GLCCI1: variants seen among roughly 807,000 people sequenced by gnomAD.
GLCCI1 encodes the protein glucocorticoid-induced transcript 1 protein.
GLCCI1 carries 24 observed loss-of-function variants against 52.2 expected under a neutral mutation model. That is an observed-to-expected ratio of 0.46 (90% CI 0.33 to 0.65). The LOEUF is 0.65. Among genes scored for constraint, GLCCI1 ranks in the 30% least tolerant of loss-of-function variants. The pLI is 0.02. For missense variants in GLCCI1, 704 were observed against 701.5 expected (o/e 1.00, Z -0.04); for synonymous variants, 310 against 276.5 (o/e 1.12, Z -1.20).
chr7:7,981,166 T>C, intron 1 of GLCCI1: 1 of 419,240 alleles, frequency 2.4e-6, no homozygotes, highest in South Asian at 1.9e-5. Flanking sequence ...CTGGATATAA[T>C]ACTCTCTAGA....
chr7:8,001,211 G>T (rs1434820530), intron 1 of GLCCI1, among the ~76,000 whole-genome samples: 2 of 152,106 alleles, frequency 1.3e-5, no homozygotes, highest in Non-Finnish European at 2.9e-5. Flanking sequence ...GCTTCCTTCA[G>T]GAGCTCTTGT....
intron 5 of GLCCI1, among the ~76,000 whole-genome samples, chr7:8,064,647 G>A (rs1164631374): frequency 6.6e-6 from 1 of 152,156 alleles, no homozygotes; most frequent in Non-Finnish European, 1.5e-5. Context: ...AACATCATTG[G>A]AAGTTTGATG....
intron 3 of GLCCI1, among the ~76,000 whole-genome samples, chr7:8,027,109 A>G (rs974100366): frequency 6.6e-6 from 1 of 152,226 alleles, no homozygotes; most frequent in African/African-American, 2.4e-5. Flanking sequence ...AATTAGCACC[A>G]TCCAGGAAAA....
At chr7:8,040,561 C>CACACACACACACA (rs529858486) in intron 3 of GLCCI1, among the ~76,000 whole-genome samples, 1 of 145,670 alleles carries the variant, frequency 6.9e-6, no homozygotes, top group African/African-American at 2.6e-5. Flanking sequence ...CACACACACA[C>CACACACACACACA]CAATGACTAT....
intron 3 of GLCCI1, among the ~76,000 whole-genome samples, chr7:8,041,929 T>C (rs192530837): frequency 6.6e-6 from 1 of 152,272 alleles, no homozygotes; most frequent in East Asian, 1.9e-4. Context: ...TTTGCCATTC[T>C]GAAAATCCTG....
intron 2 of GLCCI1, among the ~76,000 whole-genome samples, chr7:8,016,448 G>T (rs1264227853): frequency 6.6e-6 from 1 of 152,112 alleles, no homozygotes; most frequent in Non-Finnish European, 1.5e-5. Flanking sequence ...CAGCCTGGAC[G>T]ACAGAGCGAG....
intron 3 of GLCCI1, among the ~76,000 whole-genome samples, chr7:8,034,952 C>T (rs931326130): frequency 6.6e-6 from 1 of 152,188 alleles, no homozygotes; most frequent in African/African-American, 2.4e-5. Flanking sequence ...GTTGCTTACC[C>T]TCCCTGTGGA....
intron 1 of GLCCI1, among the ~76,000 whole-genome samples, chr7:7,991,402 C>T (rs550541825): frequency 4.6e-5 from 7 of 151,980 alleles, no homozygotes; most frequent in Non-Finnish European, 8.8e-5. Flanking sequence ...AATAAGAATG[C>T]AGATAATTTT....
chr7:8,057,278 T>TAA (rs550071728), intron 4 of GLCCI1, among the ~76,000 whole-genome samples: 4 of 143,000 alleles, frequency 2.8e-5, no homozygotes, highest in Non-Finnish European at 4.6e-5. Context: ...TTCATAATAC[T>TAA]AAAAAAAAAA....
At chr7:8,038,772 ATTAAACT>A (rs1247467284) in intron 3 of GLCCI1, among the ~76,000 whole-genome samples, 10 of 152,322 alleles carry the variant, frequency 6.6e-5, no homozygotes, top group Non-Finnish European at 1.3e-4. Flanking sequence ...ATGGGAGTTA[ATTAAACT>A]AAAAAGCCTC....
intron 5 of GLCCI1, among the ~76,000 whole-genome samples, chr7:8,063,874 G>C (rs752972645): frequency 6.6e-6 from 1 of 151,930 alleles, no homozygotes; most frequent in Non-Finnish European, 1.5e-5. Context: ...TCTTGCCTGG[G>C]CCTCCCAAAG....
At chr7:7,985,750 T>C (rs1346691004) in intron 1 of GLCCI1, among the ~76,000 whole-genome samples, 1 of 152,214 alleles carries the variant, frequency 6.6e-6, no homozygotes, top group Non-Finnish European at 1.5e-5. Context: ...TCCGTTTAGA[T>C]ATAAATCCTT....
At chr7:8,046,106 G>A (rs1041171186) in intron 3 of GLCCI1, among the ~76,000 whole-genome samples, 3 of 152,172 alleles carry the variant, frequency 2.0e-5, no homozygotes, top group African/African-American at 4.8e-5. Context: ...TAAATAAACT[G>A]TTGGATGGAT....
intron 6 of GLCCI1, among the ~76,000 whole-genome samples, chr7:8,081,737 A>G (rs557224424): frequency 6.6e-6 from 1 of 152,196 alleles, no homozygotes; most frequent in Non-Finnish European, 1.5e-5. Flanking sequence ...CATATGTTTA[A>G]AAGTATTTCA....
intron 1 of GLCCI1, among the ~76,000 whole-genome samples, chr7:7,978,562 G>A (rs1041441764): frequency 2.6e-5 from 4 of 152,086 alleles, no homozygotes; most frequent in Non-Finnish European, 5.9e-5. Context: ...CTTACTATAA[G>A]TTCTGCATAG....
chr7:8,071,595 A>C (rs1005685740), intron 6 of GLCCI1, among the ~76,000 whole-genome samples: 2 of 152,218 alleles, frequency 1.3e-5, no homozygotes, highest in African/African-American at 4.8e-5. Context: ...TATCTACAGG[A>C]CATCAGGGAT....
chr7:8,045,095 A>T (rs1252643766), intron 3 of GLCCI1, among the ~76,000 whole-genome samples: 1 of 152,192 alleles, frequency 6.6e-6, no homozygotes, highest in Non-Finnish European at 1.5e-5. Flanking sequence ...AGACCAAAAA[A>T]CTTGTAATAT....
At chr7:8,058,199 C>G (rs989681062) in intron 4 of GLCCI1, among the ~76,000 whole-genome samples, 8 of 151,960 alleles carry the variant, frequency 5.3e-5, no homozygotes, top group Non-Finnish European at 1.0e-4. Context: ...TACAAAATGC[C>G]TGGAATCAAA....
At chr7:7,995,809 G>A (rs1780927093) in intron 1 of GLCCI1, among the ~76,000 whole-genome samples, 1 of 152,036 alleles carries the variant, frequency 6.6e-6, no homozygotes. Flanking sequence ...TAAATGACGA[G>A]TTAATGGGTG....
Sources: gnomAD v4.1 joint callset for allele counts (sites outside exome capture counted in the v4.1 genomes callset) on GRCh38, gnomAD v4.1.1 for gene constraint, MANE v1.5 for transcripts, NCBI Gene and HGNC (gene_info 2026-07-23, HGNC 2026-07-21) for gene names.